AKR1C8: variants seen among roughly 807,000 people sequenced by gnomAD.
AKR1C8 encodes aldo-keto reductase family 1 member C8.
chr10:5,168,528 G>A, the AKR1C8 span, among the ~76,000 whole-genome samples: 1 of 151,966 alleles, frequency 6.6e-6, no homozygotes, highest in Non-Finnish European at 1.5e-5. Flanking sequence ...GGGAGACCTG[G>A]GCAAGTTATT....
the AKR1C8 span, among the ~76,000 whole-genome samples, chr10:5,135,725 T>C: frequency 6.7e-6 from 1 of 149,226 alleles, no homozygotes; most frequent in African/African-American, 2.5e-5. Context: ...TTATGTCATA[T>C]AAATGATCAA....
the AKR1C8 span, among the ~76,000 whole-genome samples, chr10:5,180,742 G>C: frequency 6.6e-6 from 1 of 152,212 alleles, no homozygotes; most frequent in Non-Finnish European, 1.5e-5. Context: ...ATCTCAGACT[G>C]CTGTGCTAGC....
the AKR1C8 span, among the ~76,000 whole-genome samples, chr10:5,172,850 T>TATA: frequency 3.9e-5 from 6 of 152,076 alleles, no homozygotes; most frequent in African/African-American, 1.2e-4. Context: ...ATAACACACA[T>TATA]ATAGCCAGAC....
At chr10:5,175,371 A>G in the AKR1C8 span, among the ~76,000 whole-genome samples, 1 of 152,006 alleles carries the variant, frequency 6.6e-6, no homozygotes, top group African/African-American at 2.4e-5. Context: ...AGTCCAGCCT[A>G]TCATTGTTGG....
At chr10:5,153,228 G>A in the AKR1C8 span, among the ~76,000 whole-genome samples, 1 of 126,624 alleles carries the variant, frequency 7.9e-6, no homozygotes, top group African/African-American at 3.0e-5. Context: ...ACTCAATAAA[G>A]TTTTGCTTAA....
chr10:5,140,831 AT>A, the AKR1C8 span, among the ~76,000 whole-genome samples: 50,005 of 151,424 alleles, frequency 0.33, 8,880 homozygotes, highest in Non-Finnish European at 0.36. Flanking sequence ...TTAAAGTATA[AT>A]TTAAAAAAAG....
chr10:5,123,099 C>T, the AKR1C8 span, among the ~76,000 whole-genome samples: 5 of 152,116 alleles, frequency 3.3e-5, no homozygotes, highest in Non-Finnish European at 7.4e-5. Context: ...TTCTCTCCAC[C>T]CATGCTGCCT....
At chr10:5,180,782 C>T in the AKR1C8 span, among the ~76,000 whole-genome samples, 1 of 152,250 alleles carries the variant, frequency 6.6e-6, no homozygotes, top group Non-Finnish European at 1.5e-5. Context: ...ACATAGGACC[C>T]TCCGAGCCAT....
the AKR1C8 span, among the ~76,000 whole-genome samples, chr10:5,127,212 A>AAT: frequency 0.033 from 5,090 of 152,068 alleles, 286 homozygotes; most frequent in African/African-American, 0.12. Context: ...ACAACCTAAA[A>AAT]TTTTTTTTTA....
At chr10:5,129,100 T>C in the AKR1C8 span, among the ~76,000 whole-genome samples, 1 of 152,042 alleles carries the variant, frequency 6.6e-6, no homozygotes, top group Non-Finnish European at 1.5e-5. Context: ...CACAGTGGAA[T>C]AAAACTAGAA....
chr10:5,127,722 C>CAAAA, the AKR1C8 span, among the ~76,000 whole-genome samples: 3 of 79,660 alleles, frequency 3.8e-5, no homozygotes, highest in Non-Finnish European at 7.0e-5. Flanking sequence ...AAGACTCTGT[C>CAAAA]AAAAAAAAAA....
the AKR1C8 span, chr10:5,123,285 C>T: frequency 1.3e-5 from 3 of 236,076 alleles, no homozygotes; most frequent in East Asian, 3.2e-4. Flanking sequence ...TGCATGTTCT[C>T]TCTGATCTGC....
the AKR1C8 span, among the ~76,000 whole-genome samples, chr10:5,142,209 CAT>C: frequency 6.6e-6 from 1 of 152,132 alleles, no homozygotes; most frequent in Admixed American, 6.6e-5. Context: ...TATGAGCCTT[CAT>C]ACACTTGAAG....
the AKR1C8 span, among the ~76,000 whole-genome samples, chr10:5,167,813 T>C: frequency 6.6e-6 from 1 of 152,104 alleles, no homozygotes; most frequent in East Asian, 1.9e-4. Context: ...GCTTATCTGG[T>C]AAATTGTATA....
At chr10:5,176,646 T>C in the AKR1C8 span, among the ~76,000 whole-genome samples, 1 of 152,128 alleles carries the variant, frequency 6.6e-6, no homozygotes, top group Non-Finnish European at 1.5e-5. Context: ...TATCCTCTTT[T>C]ATTTCCTTAA....
At chr10:5,175,929 C>T in the AKR1C8 span, among the ~76,000 whole-genome samples, 6 of 152,054 alleles carry the variant, frequency 3.9e-5, no homozygotes, top group African/African-American at 1.4e-4. Flanking sequence ...TCGTAGGTTG[C>T]CTGTTCACTC....
At chr10:5,174,182 C>G in the AKR1C8 span, among the ~76,000 whole-genome samples, 2 of 151,302 alleles carry the variant, frequency 1.3e-5, no homozygotes, top group South Asian at 4.2e-4. Context: ...CATCCTGAGA[C>G]CAATAATCCA....
At chr10:5,122,814 T>C in the AKR1C8 span, among the ~76,000 whole-genome samples, 1 of 152,082 alleles carries the variant, frequency 6.6e-6, no homozygotes, top group African/African-American at 2.4e-5. Flanking sequence ...ATAATTATGG[T>C]GTTCTACACA....
chr10:5,141,598 A>G, the AKR1C8 span, among the ~76,000 whole-genome samples: 1 of 152,168 alleles, frequency 6.6e-6, no homozygotes, highest in Non-Finnish European at 1.5e-5. Context: ...TCCTTTATCC[A>G]TGTACTGAAG....
Sources: gnomAD v4.1 joint callset for allele counts (sites outside exome capture counted in the v4.1 genomes callset) on GRCh38, gnomAD v4.1.1 for gene constraint, MANE v1.5 for transcripts, NCBI Gene and HGNC (gene_info 2026-07-23, HGNC 2026-07-21) for gene names.